The following RALYL variants were observed in gnomAD, a reference collection of about 807,000 sequenced individuals.
The protein encoded by RALYL is RALY RNA binding protein like.
Under a neutral mutation model 35.1 loss-of-function variants are expected in RALYL, and 29 were observed. That is an observed-to-expected ratio of 0.83 (90% CI 0.61 to 1.13). RALYL has a LOEUF of 1.13. Ranked by LOEUF, RALYL falls within the 50% of genes most tolerant of loss-of-function variation. The pLI, the probability that RALYL is intolerant of heterozygous loss-of-function variation, is 0.00. For missense variants in RALYL, 359 were observed against 360.4 expected, an observed-to-expected ratio of 1.00 and a Z score of 0.03; for synonymous variants, 120 against 127.6, an observed-to-expected ratio of 0.94 and a Z score of 0.40.
chr8:84,652,547 T>G (rs1829064914), intron 2 of RALYL, among the ~76,000 whole-genome samples: 1 of 152,088 alleles, frequency 6.6e-6, no homozygotes, highest in Non-Finnish European at 1.5e-5. Flanking sequence ...TATCTGTGCT[T>G]AGATCCCATT....
chr8:84,576,742 A>G (rs1413646578), intron 2 of RALYL, among the ~76,000 whole-genome samples: 7 of 152,218 alleles, frequency 4.6e-5, no homozygotes. Context: ...TGGAGACAAA[A>G]TCTGACATAT....
chr8:84,760,989 CAT>C (rs1302672042), intron 2 of RALYL, among the ~76,000 whole-genome samples: 4 of 151,962 alleles, frequency 2.6e-5, no homozygotes, highest in Non-Finnish European at 5.9e-5. Context: ...CAGTTTTAAT[CAT>C]AGAAAATATG....
chr8:84,608,517 A>T (rs1370521468), intron 2 of RALYL, among the ~76,000 whole-genome samples: 1 of 152,082 alleles, frequency 6.6e-6, no homozygotes, highest in African/African-American at 2.4e-5. Context: ...GATCTGCTAG[A>T]CTAATCCTGA....
At chr8:84,369,337 A>G (rs1855207200) in intron 1 of RALYL, among the ~76,000 whole-genome samples, 1 of 148,366 alleles carries the variant, frequency 6.7e-6, no homozygotes, top group Admixed American at 7.0e-5. Flanking sequence ...TATTTATTTA[A>G]CTTGATAAAG....
intron 1 of RALYL, among the ~76,000 whole-genome samples, chr8:84,463,194 G>T (rs1332214640): frequency 6.6e-6 from 1 of 151,804 alleles, no homozygotes; most frequent in Non-Finnish European, 1.5e-5. Context: ...AATTTCACTT[G>T]TCTATGCTCC....
intron 1 of RALYL, among the ~76,000 whole-genome samples, chr8:84,468,239 C>T (rs536588720): frequency 9.7e-4 from 147 of 151,906 alleles, no homozygotes; most frequent in African/African-American, 3.1e-3. Flanking sequence ...TTCCTAGTCT[C>T]GATGGTCTTT....
chr8:84,298,872 G>T (rs948562201), intron 1 of RALYL, among the ~76,000 whole-genome samples: 1 of 151,968 alleles, frequency 6.6e-6, no homozygotes, highest in African/African-American at 2.4e-5. Context: ...AATGTTACTG[G>T]TGTATAGAAA....
At chr8:84,288,846 G>A (rs1056255382) in intron 1 of RALYL, among the ~76,000 whole-genome samples, 2 of 152,082 alleles carry the variant, frequency 1.3e-5, no homozygotes, top group African/African-American at 4.8e-5. Flanking sequence ...CGTAAATAAT[G>A]CATTAATGAA....
At chr8:84,580,012 TTAATG>T (rs1338798887) in intron 2 of RALYL, among the ~76,000 whole-genome samples, 3 of 152,212 alleles carry the variant, frequency 2.0e-5, no homozygotes, top group African/African-American at 4.8e-5. Context: ...CAATGGTTAA[TTAATG>T]TAAAATTATT....
At chr8:84,313,780 A>G (rs943966268) in intron 1 of RALYL, among the ~76,000 whole-genome samples, 8 of 152,178 alleles carry the variant, frequency 5.3e-5, no homozygotes, top group African/African-American at 1.9e-4. Context: ...AAACCATTCA[A>G]CAAGTCTCTA....
chr8:84,648,185 A>G (rs577465649), intron 2 of RALYL, among the ~76,000 whole-genome samples: 1 of 152,180 alleles, frequency 6.6e-6, no homozygotes, highest in South Asian at 2.1e-4. Context: ...CTGATTAAAC[A>G]TTCCAGTATA....
intron 2 of RALYL, among the ~76,000 whole-genome samples, chr8:84,561,488 G>C (rs1238441379): frequency 1.3e-5 from 2 of 151,438 alleles, no homozygotes; most frequent in South Asian, 2.1e-4. Flanking sequence ...ACAGTCCTGA[G>C]CCGTATGCAT....
At chr8:84,654,307 ATATATATC>A (rs1564316665) in intron 2 of RALYL, among the ~76,000 whole-genome samples, 1 of 136,166 alleles carries the variant, frequency 7.3e-6, no homozygotes, top group East Asian at 2.2e-4. Context: ...ATATATATAT[ATATATATC>A]ATGTACCACA....
At chr8:84,850,861 C>T (rs1249862549) in intron 5 of RALYL, among the ~76,000 whole-genome samples, 1 of 152,132 alleles carries the variant, frequency 6.6e-6, no homozygotes, top group Non-Finnish European at 1.5e-5. Context: ...ATGTGTGATT[C>T]TCTTGCCAGG....
intron 2 of RALYL, among the ~76,000 whole-genome samples, chr8:84,710,077 A>G (rs571950235): frequency 4.1e-4 from 62 of 152,050 alleles, no homozygotes; most frequent in African/African-American, 1.4e-3. Flanking sequence ...ACAAACAAAT[A>G]AACAAAAAAG....
At chr8:84,796,587 A>G (rs758335074) in intron 3 of RALYL, among the ~76,000 whole-genome samples, 1 of 152,232 alleles carries the variant, frequency 6.6e-6, no homozygotes, top group Non-Finnish European at 1.5e-5. Flanking sequence ...ATCAGTCATC[A>G]TCTGTTGCTC....
chr8:84,397,039 C>T (rs986471176), intron 1 of RALYL, among the ~76,000 whole-genome samples: 2 of 151,936 alleles, frequency 1.3e-5, no homozygotes, highest in Non-Finnish European at 2.9e-5. Context: ...CTTGGATTAC[C>T]CAGTTGGGCC....
At chr8:84,843,387 A>C (rs2134643823) in intron 4 of RALYL, among the ~76,000 whole-genome samples, 1 of 152,314 alleles carries the variant, frequency 6.6e-6, no homozygotes, top group Admixed American at 6.5e-5. Flanking sequence ...GGAGAATAAA[A>C]TACCTAGGAA....
At chr8:84,615,570 C>CTTTTTTTTTTTTTTTTT (rs60428128) in intron 2 of RALYL, among the ~76,000 whole-genome samples, 154 of 67,366 alleles carry the variant, frequency 2.3e-3, no homozygotes, top group Non-Finnish European at 2.9e-3. Flanking sequence ...GAACTTTCGT[C>CTTTTTTTTTTTTTTTTT]TTTTTTTTTT....
Sources: allele counts gnomAD v4.1 joint callset (sites outside exome capture counted in the v4.1 genomes callset), GRCh38; gene constraint gnomAD v4.1.1; transcripts MANE v1.5; gene names NCBI Gene and HGNC (gene_info 2026-07-23, HGNC 2026-07-21).